The following NLGN2 variants were observed in gnomAD, a reference collection of about 807,000 sequenced individuals.
The protein encoded by NLGN2 is neuroligin-2.
NLGN2 carries 11 observed loss-of-function variants against 48.6 expected under a neutral mutation model. The observed-to-expected ratio is 0.23, with a 90% CI of 0.14 to 0.37. The LOEUF (loss-of-function observed/expected upper bound fraction) is 0.37, where lower values mean the gene tolerates loss of function less well. Ranked by LOEUF, NLGN2 falls within the 10% of genes least tolerant of loss-of-function variation. The probability of loss-of-function intolerance (pLI) is 1.00; values close to 1 mark genes in which losing one functional copy is unlikely to be tolerated. For missense variants in NLGN2, 801 were observed against 1,225.2 expected (o/e 0.65, Z 5.17); for synonymous variants, 548 against 550.0 (o/e 1.00, Z 0.05).
Position 7,414,798 on chromosome 17 carries a change from G to A in NLGN2, c.794G>A (p.Gly265Glu). 1 of 1,614,176 alleles carries A rather than the reference G, an allele frequency of 6.2e-7. No homozygotes were observed. Among genetic ancestry groups the A allele is most frequent in the Non-Finnish European group, 8.5e-7 (1 of 1,180,012 alleles). The change falls in exon 4 of 7, where the codon GGG becomes GAG. Residue 265 changes from glycine to glutamate, a missense_variant. Around this residue, in one of 5 missense-constraint regions of NLGN2, gnomAD observed 303 missense variants for 600.1 expected, o/e 0.50. Coordinates refer to ENST00000302926, the MANE Select transcript of NLGN2 (RefSeq NM_020795.4). Reference protein sequence around the residue: ...DPERITIFGSGAGASCVNLLI... With the variant: ...DPERITIFGSEAGASCVNLLI... ...GAGCGTATCACCATCTTTGGTTCCG[G>A]GGCAGGGGCCTCCTGCGTCAACCTT...
At position 7,412,160 on chromosome 17, in the gene NLGN2, C is replaced by T. The variant is rs368402918; in HGVS notation, c.461C>T (p.Pro154Leu). The T allele has an allele frequency of 4.4e-6, 7 of 1,607,716 alleles. No individual in the cohort carries two copies. Among genetic ancestry groups the T allele is most frequent in the African/African-American group, 1.4e-5 (1 of 73,896 alleles). ...LNLYVPTEDGPLTKKRDEATL... is the reference protein window; with the variant it reads ...LNLYVPTEDGLLTKKRDEATL... ...TGTTTTGTGTTCCCGGTCTTAGGTC[C>T]GCTCACAAAAAAACGTGACGAGGCG... Residue 154 changes from proline (P) to leucine (L), a missense_variant, in exon 2 of 7, where the codon CCG becomes CTG. Pro to Leu is a moderately conservative substitution (Grantham distance 98, BLOSUM62 -3). This residue lies in a region of NLGN2 where 56 missense variants were observed against 100.0 expected (regional missense o/e 0.56). Transcript: ENST00000302926.
rs1008180168 is a variant in NLGN2, at chr17:7,412,264, C to T, written c.508+57C>T. The stretch of plus-strand genomic sequence containing the variant: ...TTGCTTATAAGAGGACATTCATGGC[C>T]CTGCCCCTCACTAAATGTCCCCACA... On this transcript the variant is annotated intron_variant, in intron 2 of 6. Coordinates refer to ENST00000302926, the MANE Select transcript of NLGN2 (RefSeq NM_020795.4). The T allele has an allele frequency of 5.2e-6, 7 of 1,346,542 alleles. No individual in the cohort carries two copies. In the Admixed American group the frequency reaches 1.2e-4, roughly 23 times the overall value. The allele number at this position is 1,346,542 out of a possible 1,614,324, so 83.4% of individuals were successfully genotyped here. A position where few individuals can be genotyped will look rare whatever the true frequency, so the allele number is the denominator to read the frequency against.
At position 7,417,577 on chromosome 17, in the gene NLGN2, C is replaced by T; in HGVS notation, c.2286C>T (p.Arg762=). The change falls in exon 7 of 7, where the codon CGC becomes CGT. Residue 762 remains arginine, a synonymous_variant. Coordinates refer to ENST00000302926, the MANE Select transcript of NLGN2 (RefSeq NM_020795.4). ...GGGCGGACCCTGCCGAGGCTCTGCG[C>T]CCTGCCTGCCCGCCCGACTACACCC... ...GVGADPAEAL[R]PACPPDYTLA... 7.0e-7 allele frequency: 1 copy of T among 1,433,942 alleles called. No individual in the cohort carries two copies. The highest frequency in any genetic ancestry group is 1.5e-5 in the South Asian group (1 of 66,014). The allele number at this position is 1,433,942 out of a possible 1,614,324, so 88.8% of individuals were successfully genotyped here. A position where few individuals can be genotyped will look rare whatever the true frequency, so the allele number is the denominator to read the frequency against.
intron 1 of NLGN2, among the ~76,000 whole-genome samples, chr17:7,410,197 G>A (rs1357151975): frequency 7.7e-6 from 1 of 130,558 alleles, no homozygotes; most frequent in Non-Finnish European, 1.6e-5. Context: ...TGCCAAACAC[G>A]GAACATCTCA....
upstream of NLGN2, among the ~76,000 whole-genome samples, chr17:7,406,251 C>T (rs1360873229): frequency 2.0e-5 from 3 of 151,468 alleles, no homozygotes; most frequent in Admixed American, 1.3e-4. Flanking sequence ...GGGAGCACTA[C>T]GGAGAGGAGA....
Position 7,417,471 on chromosome 17 carries a change from C to G in NLGN2, c.2180C>G (p.Pro727Arg). The G allele has an allele frequency of 1.9e-6, 3 of 1,540,786 alleles. No homozygotes were observed. Among genetic ancestry groups the G allele is most frequent in the Non-Finnish European group, 2.6e-6 (3 of 1,147,516 alleles). ...GSGSGVPGGG[P>R]LLPAAGRELP... ...GGCTCTGGCGTGCCTGGTGGGGGCCCCCTGCTCCCCGCCGCGGGCCGTGAG... is the reference window on the plus strand; with the variant it reads ...GGCTCTGGCGTGCCTGGTGGGGGCCGCCTGCTCCCCGCCGCGGGCCGTGAG... The change falls in exon 7 of 7, where the codon CCC (proline) becomes CGC (arginine). Residue 727 changes from proline to arginine, a missense_variant. This residue lies in a region of NLGN2 where 276 missense variants were observed against 313.9 expected (regional missense o/e 0.88). Transcript: ENST00000302926.
In NLGN2 at chr17:7,416,157, A is replaced by G. The variant is rs758236207; in HGVS notation, c.1634+50A>G. ...GGCTGGGCGGGGCCCTCCCTCCTTC[A>G]CATGGCCGCCGTTCCTCTGTTAAGG... On this transcript the variant is annotated intron_variant, in intron 6 of 6. Transcript: ENST00000302926. 17 of 1,437,672 alleles carry G rather than the reference A, an allele frequency of 1.2e-5. No homozygotes were observed. In the Admixed American group the frequency reaches 1.3e-4, roughly 11 times the overall value. The allele number at this position is 1,437,672 out of a possible 1,614,324, so 89.1% of individuals were successfully genotyped here.
chr17:7,406,617 C>T (rs372964755), upstream of NLGN2, among the ~76,000 whole-genome samples: 1 of 135,898 alleles, frequency 7.4e-6, no homozygotes, highest in Admixed American at 8.7e-5. Flanking sequence ...CTGAAAACCC[C>T]GCGTCAGCAA....
intron 1 of NLGN2, among the ~76,000 whole-genome samples, chr17:7,410,726 G>A (rs1906848013): frequency 6.6e-6 from 1 of 152,200 alleles, no homozygotes; most frequent in African/African-American, 2.4e-5. Context: ...TTTAGCCACT[G>A]CTGATTGCAG....
Position 7,417,483 on chromosome 17 carries a change from C to A in NLGN2, c.2192C>A (p.Ala731Asp). ...GVPGGGPLLPAAGRELPPEEE... is the reference protein window; with the variant it reads ...GVPGGGPLLPDAGRELPPEEE... ...CCTGGTGGGGGCCCCCTGCTCCCCG[C>A]CGCGGGCCGTGAGCTGCCACCAGAG... Residue 731 changes from alanine to aspartate, a missense_variant, in exon 7 of 7, where the codon GCC becomes GAC. By Grantham distance (126) the Ala-to-Asp change is moderately radical. Transcript: ENST00000302926. 6.6e-7 allele frequency: 1 copy of A among 1,523,588 alleles called. No homozygotes were observed. Among genetic ancestry groups the A allele is most frequent in the Non-Finnish European group, 8.8e-7 (1 of 1,139,430 alleles). 94.4% of individuals were successfully genotyped at this position (1,523,588 alleles called of 1,614,324 possible). A position where few individuals can be genotyped will look rare whatever the true frequency, so the allele number is the denominator to read the frequency against.
chr17:7,416,295 C>T (rs1158983438), intron 6 of NLGN2, among the ~76,000 whole-genome samples, 188 bp downstream of exon 6: 1 of 152,198 alleles, frequency 6.6e-6, no homozygotes, highest in East Asian at 1.9e-4. Flanking sequence ...AGCCGCTGTC[C>T]TTTCTGGGGA....
At chr17:7,406,729 C>T (rs928422368), upstream of NLGN2, among the ~76,000 whole-genome samples, 1 of 151,700 alleles carries the variant, frequency 6.6e-6, no homozygotes, top group African/African-American at 2.4e-5. Context: ...GCCCCTGCTG[C>T]CCTGAGCACC....
At chr17:7,404,822 G>C (rs950681947), upstream of NLGN2, 1 of 147,822 alleles carries the variant, frequency 6.8e-6, no homozygotes, top group Non-Finnish European at 1.5e-5. Flanking sequence ...GGGTGCGAGC[G>C]GGGGGTGTGC....
At chr17:7,406,455 G>A (rs184655419), upstream of NLGN2, among the ~76,000 whole-genome samples, 22 of 152,208 alleles carry the variant, frequency 1.4e-4, no homozygotes, top group African/African-American at 5.3e-4. Context: ...AATCAGCCCC[G>A]AGCCACCTCC....
rs1349702587 is a variant in NLGN2 at position 7,418,903 on chromosome 17, C to T, written c.*1104C>T. Reference sequence around the variant, plus strand: ...TAGGTGGATTTGAGCGGAAAGACTCCCAAAATGTGCCAAGAATTTCCCAGT... The same window carrying T: ...TAGGTGGATTTGAGCGGAAAGACTCTCAAAATGTGCCAAGAATTTCCCAGT... On this transcript the variant is annotated 3_prime_UTR_variant, in exon 7 of 7. Transcript: ENST00000302926. The T allele has an allele frequency of 2.0e-5, 3 of 152,648 alleles. No individual in the cohort carries two copies. Among genetic ancestry groups the T allele is most frequent in the African/African-American group, 7.2e-5 (3 of 41,412 alleles). The allele number at this position is 152,648 out of a possible 1,614,324, so 9.5% of individuals were successfully genotyped here.
rs760427849 is a variant in NLGN2 at position 7,415,066 on chromosome 17, C to G, written c.955C>G (p.Arg319Gly). The change falls in exon 5 of 7, where the codon CGA becomes GGA. Residue 319 changes from arginine to glycine, a missense_variant. Around this residue, in one of 5 missense-constraint regions of NLGN2, gnomAD observed 303 missense variants for 600.1 expected, o/e 0.50. Transcript: ENST00000302926. Reference protein sequence around the residue: ...RLLAAKVGCDREDSAEAVECL... With the variant: ...RLLAAKVGCDGEDSAEAVECL... ...GCTGGCAGCCAAGGTGGGCTGTGAC[C>G]GAGAGGACAGCGCTGAAGCTGTGGA... 1.9e-6 allele frequency: 3 copies of G among 1,613,562 alleles called. No homozygotes were observed. In the Admixed American group the frequency reaches 5.0e-5, roughly 27 times the overall value.
rs1399487352 is a variant in NLGN2, at chr17:7,417,274, C to G, written c.1983C>G (p.Ala661=). 1.9e-6 allele frequency: 3 copies of G among 1,595,768 alleles called. No individual in the cohort carries two copies. Among genetic ancestry groups the G allele is most frequent in the Non-Finnish European group, 2.6e-6 (3 of 1,173,176 alleles). ...CCGAGCCCGAGCCCGGCCCAAGGGC[C>G]TATGACCGCTTCCCCGGGGACTCAC... ...PEPEPEPGPR[A]YDRFPGDSRD... Residue 661 remains alanine (A), a synonymous_variant, in exon 7 of 7, where the codon GCC becomes GCG. Coordinates refer to ENST00000302926, the MANE Select transcript of NLGN2 (RefSeq NM_020795.4).
rs1377787529 is a variant in NLGN2, at chr17:7,417,111, A to G, written c.1820A>G (p.His607Arg). 1.9e-6 allele frequency: 3 copies of G among 1,611,994 alleles called. No individual in the cohort carries two copies. The highest frequency in any genetic ancestry group is 2.5e-6 in the Non-Finnish European group (3 of 1,179,900). The change falls in exon 7 of 7, where the codon CAC becomes CGC. Residue 607 changes from histidine (H) to arginine (R), a missense_variant. By Grantham distance (29) the His-to-Arg change is conservative. Transcript: ENST00000302926. ...GCCTTCTGGCTGGAGCTCGTGCCCC[A>G]CCTGCACAACCTGCACACGGAGCTC... ...KVAFWLELVP[H>R]LHNLHTELFT...
chr17:7,417,182 C>T lies in NLGN2; in HGVS notation c.1891C>T (p.Pro631Ser), dbSNP rs772692815. 4 of 1,573,192 alleles carry T rather than the reference C, an allele frequency of 2.5e-6. No homozygotes were observed. In the Admixed American group the frequency reaches 7.3e-5, roughly 29 times the overall value. The part of the protein sequence containing the change: ...RLPPYATRWP[P>S]RPPAGAPGTR... ...GCCTCCCTACGCCACGCGCTGGCCG[C>T]CTCGTCCCCCCGCTGGCGCCCCGGG... is the stretch of plus-strand genomic sequence containing the variant. The change falls in exon 7 of 7, where the codon CCT becomes TCT. Residue 631 changes from proline (P) to serine (S), a missense_variant. By Grantham distance (74) the Pro-to-Ser change is moderately conservative. This residue lies in a region of NLGN2 where 276 missense variants were observed against 313.9 expected (regional missense o/e 0.88). Transcript: ENST00000302926.
Sources: gnomAD v4.1 joint callset for allele counts (sites outside exome capture counted in the v4.1 genomes callset) on GRCh38, gnomAD v4.1.1 for gene constraint, gnomAD v4.1.1 regional missense constraint, MANE v1.5 for transcripts, NCBI Gene and HGNC (gene_info 2026-07-23, HGNC 2026-07-21) for gene names.